Variants in FLT4 observed in about 807,000 individuals in gnomAD.
The protein encoded by FLT4 is vascular endothelial growth factor receptor 3.
In FLT4, 30 loss-of-function variants were observed where a neutral mutation model predicts 163.2. The observed-to-expected ratio is 0.18, with a 90% CI of 0.14 to 0.25. The LOEUF is 0.25. Among genes scored for constraint, FLT4 ranks in the 10% least tolerant of loss-of-function variants. The pLI, the probability that FLT4 is intolerant of heterozygous loss-of-function variation, is 1.00. For missense variants in FLT4, 1,510 were observed against 1,863.8 expected, an observed-to-expected ratio of 0.81 and a Z score of 3.50; for synonymous variants, 884 against 789.5, an observed-to-expected ratio of 1.12 and a Z score of -2.01.
intron 29 of FLT4, among the ~76,000 whole-genome samples, chr5:180,603,850 G>C (rs201879872): frequency 1.3e-5 from 2 of 151,714 alleles, no homozygotes; most frequent in Non-Finnish European, 1.5e-5. Context: ...CTTGCAGTGA[G>C]CTGAGATCGC....
At chr5:180,642,581 C>A (rs752202652) in intron 1 of FLT4, among the ~76,000 whole-genome samples, 1 of 152,114 alleles carries the variant, frequency 6.6e-6, no homozygotes, top group Admixed American at 6.5e-5. Flanking sequence ...GGTGGCACAC[C>A]GGGGGGCTTC....
intron 14 of FLT4, 33 bp downstream of exon 14, chr5:180,621,073 G>A (rs1763105316): frequency 1.2e-6 from 2 of 1,612,594 alleles, no homozygotes; most frequent in South Asian, 1.1e-5. Flanking sequence ...GCGGGCCTCC[G>A]GACCTGCCCT....
chr5:180,606,994 C>A (rs191221364), intron 29 of FLT4, among the ~76,000 whole-genome samples: 1 of 151,968 alleles, frequency 6.6e-6, no homozygotes, highest in Non-Finnish European at 1.5e-5. Context: ...AGGATAATCA[C>A]GTGAACCCGG....
At chr5:180,615,304 T>A (rs1762570631) in intron 23 of FLT4, among the ~76,000 whole-genome samples, 2 of 122,728 alleles carry the variant, frequency 1.6e-5, no homozygotes, top group African/African-American at 6.1e-5. Context: ...GCCCCGCCGG[T>A]CACCTCCCTT....
intron 21 of FLT4, among the ~76,000 whole-genome samples, chr5:180,618,319 C>T (rs1382593787): frequency 2.6e-4 from 27 of 102,116 alleles, no homozygotes; most frequent in African/African-American, 9.9e-4. Flanking sequence ...TCTGGGACAC[C>T]CACGTCCTAC....
chr5:180,649,528 C>G lies in FLT4; in HGVS notation c.18G>C (p.Ala6=). ...GGCAGAGCCACAGTCGCAGGCACAG[C>G]GCGGCGCCCCGCTGCATCTCCGGCC... MQRGA[A]LCLRLWLCLG... is the part of the protein sequence containing the mutation. The change falls in exon 1 of 30, where the codon GCG becomes GCC. Residue 6 remains alanine (A), a synonymous_variant. Transcript: ENST00000261937. 6.9e-7 allele frequency: 1 copy of G among 1,441,428 alleles called. No individual in the cohort carries two copies. The highest frequency in any genetic ancestry group is 1.5e-5 in the African/African-American group (1 of 67,552). The allele number at this position is 1,441,428 out of a possible 1,614,324, so 89.3% of individuals were successfully genotyped here.
Position 180,630,448 on chromosome 5 carries a change from A to T in FLT4, c.400+107T>A. The T allele has an allele frequency of 6.5e-7, 1 of 1,546,438 alleles. No homozygotes were observed. Among genetic ancestry groups the T allele is most frequent in the Non-Finnish European group, 8.8e-7 (1 of 1,131,776 alleles). On this transcript the variant is annotated intron_variant, in intron 3 of 29. Transcript: ENST00000261937. This position sits in a 1 kb window ranked among gnomAD's most constrained non-coding sequence, Gnocchi z 6.3. ...GAACCAGCCACCCGCTGGAGCAGGT[A>T]GGGCCCCGTTCTCTCCTCCTGCCAG...
At chr5:180,624,257 A>C (rs1581659997) in intron 10 of FLT4, among the ~76,000 whole-genome samples, 196 bp from the exon 11 acceptor site, 1 of 130,616 alleles carries the variant, frequency 7.7e-6, no homozygotes, top group Non-Finnish European at 1.6e-5. Flanking sequence ...ACGGAGTTTC[A>C]CTCTTGTTGC....
intron 10 of FLT4, among the ~76,000 whole-genome samples, 158 bp from the exon 11 acceptor site, chr5:180,624,219 A>C (rs1177151411): frequency 7.1e-6 from 1 of 141,748 alleles, no homozygotes; most frequent in African/African-American, 2.6e-5. Context: ...TGGGAAGGGG[A>C]CTTTGGTGTT....
intron 23 of FLT4, among the ~76,000 whole-genome samples, chr5:180,614,914 G>A (rs1762520430): frequency 1.3e-5 from 2 of 152,034 alleles, no homozygotes; most frequent in Admixed American, 1.3e-4. Context: ...GACCCGCCTT[G>A]GAGGCTCATC....
At position 180,621,232 on chromosome 5, in the gene FLT4, T is replaced by A; in HGVS notation, c.2041A>T (p.Thr681Ser). 1.2e-6 allele frequency: 2 copies of A among 1,612,552 alleles called. No individual in the cohort carries two copies. The highest frequency in any genetic ancestry group is 1.7e-6 in the Non-Finnish European group (2 of 1,179,790). Residue 681 changes from threonine to serine, a missense_variant, in exon 14 of 30, where the codon ACG becomes TCG. By Grantham distance (58) the Thr-to-Ser change is moderately conservative (BLOSUM62 1). Around this residue, in one of 5 missense-constraint regions of FLT4, gnomAD observed 878 missense variants for 1,016.7 expected, o/e 0.86. Coordinates refer to ENST00000261937, the MANE Select transcript of FLT4 (RefSeq NM_182925.5). ...ACCAGGAGGTCGGTCAAGTTCTGCGTGAGCCGAGGGGCTTCCAGGGCTGGG... is the reference window on the plus strand; with the variant it reads ...ACCAGGAGGTCGGTCAAGTTCTGCGAGAGCCGAGGGGCTTCCAGGGCTGGG... Reference protein sequence around the residue: ...SVQALEAPRLTQNLTDLLVNV... With the variant: ...SVQALEAPRLSQNLTDLLVNV...
At chr5:180,643,354 C>T (rs562410811) in intron 1 of FLT4, among the ~76,000 whole-genome samples, 2 of 152,310 alleles carry the variant, frequency 1.3e-5, no homozygotes, top group South Asian at 4.1e-4. Flanking sequence ...CCCCTGCCCC[C>T]ACCTCTCCTC....
intron 8 of FLT4, among the ~76,000 whole-genome samples, chr5:180,628,096 G>A (rs892404480): frequency 2.6e-5 from 4 of 152,182 alleles, no homozygotes; most frequent in African/African-American, 9.7e-5. Context: ...AGAGAAGGAG[G>A]CTCTTGGGCT....
At position 180,602,458 on chromosome 5, in the gene FLT4, C is replaced by T. The variant is rs77831530; in HGVS notation, c.*734G>A. The T allele has an allele frequency of 0.013, 5,258 of 395,856 alleles. 86 individuals are homozygous for T. The highest frequency in any genetic ancestry group is 0.046 in the African/African-American group (2,262 of 48,702). The allele number at this position is 395,856 out of a possible 1,614,324, so 24.5% of individuals were successfully genotyped here. A position where few individuals can be genotyped will look rare whatever the true frequency, so the allele number is the denominator to read the frequency against. On this transcript the variant is annotated 3_prime_UTR_variant, in exon 30 of 30. Transcript: ENST00000261937. ...CCCTGGGCGCCTTCCAGGCTGAATT[C>T]GGAAAGCAAATTCTTCTCAGCAGCT...
chr5:180,625,493 AC>A lies in FLT4; in HGVS notation c.1421+375del, dbSNP rs34551767. ...CAACCATCCCAGGGGCTCAGGTGACACCCCCCCAGGTCCCCACCCCGCTGGA... is the reference window on the plus strand; with the variant it reads ...CAACCATCCCAGGGGCTCAGGTGACACCCCCCAGGTCCCCACCCCGCTGGA... On this transcript the variant is annotated intron_variant, in intron 10 of 29. Transcript: ENST00000261937. Among the ~76,000 whole-genome samples the A allele has an allele frequency of 1.2e-4, 18 of 151,848 alleles. 1 individual carries two copies. Among genetic ancestry groups the A allele is most frequent in the East Asian group, 3.9e-4 (2 of 5,156 alleles).
intron 1 of FLT4, among the ~76,000 whole-genome samples, chr5:180,649,073 C>CGGCCGGGAT (rs563396663): frequency 7.4e-4 from 113 of 152,056 alleles, no homozygotes; most frequent in African/African-American, 2.6e-3. Flanking sequence ...GTCCGGGGCC[C>CGGCCGGGAT]GGCCGGGATG....
intron 12 of FLT4, 33 bp downstream of exon 12, chr5:180,622,697 AC>A: frequency 7.3e-7 from 1 of 1,369,886 alleles, no homozygotes; most frequent in Non-Finnish European, 1.0e-6. Context: ...CTGACCCTGT[AC>A]CCAGGCCTCC....
At position 180,611,372 on chromosome 5, in the gene FLT4, C is replaced by G; in HGVS notation, c.3645G>C (p.Glu1215Asp). 1 of 1,613,986 alleles carries G rather than the reference C, an allele frequency of 6.2e-7. No individual in the cohort carries two copies. Among genetic ancestry groups the G allele is most frequent in the Non-Finnish European group, 8.5e-7 (1 of 1,180,018 alleles). Residue 1215 changes from glutamate to aspartate, a missense_variant, in exon 27 of 30, where the codon GAG (glutamate) becomes GAC (aspartate). Around this residue, in one of 5 missense-constraint regions of FLT4, gnomAD observed 295 missense variants for 311.0 expected, o/e 0.95. Transcript: ENST00000261937. ...MALHIAQADAEDSPPSLQRHS... is the reference protein window; with the variant it reads ...MALHIAQADADDSPPSLQRHS... The stretch of plus-strand genomic sequence containing the variant: ...GGCGCTGCAGGCTTGGCGGGCTGTC[C>G]TCAGCGTCAGCCTGGGCGATGTGTA...
chr5:180,623,438 C>T lies in FLT4; in HGVS notation c.1548+497G>A, dbSNP rs1214956154. Among the ~76,000 whole-genome samples, 2 of 151,706 alleles carry T rather than the reference C, an allele frequency of 1.3e-5. No individual in the cohort carries two copies. Among genetic ancestry groups the T allele is most frequent in the Non-Finnish European group, 2.9e-5 (2 of 67,884 alleles). The stretch of plus-strand genomic sequence containing the variant: ...CCTGCCTACCATCCAAAGACCCCCA[C>T]CCCCACCCCACCCCCAGCTGGGCAC... On this transcript the variant is annotated intron_variant, in intron 11 of 29. Transcript: ENST00000261937. This position sits in a 1 kb window ranked among gnomAD's most constrained non-coding sequence, Gnocchi z 5.8.
Sources: gnomAD v4.1 joint callset for allele counts (sites outside exome capture counted in the v4.1 genomes callset) on GRCh38, gnomAD v4.1.1 for gene constraint, gnomAD v4.1.1 regional missense constraint, Gnocchi (gnomAD v3.1) non-coding constraint, MANE v1.5 for transcripts, NCBI Gene and HGNC (gene_info 2026-07-23, HGNC 2026-07-21) for gene names.